The following C1orf159 variants were observed in gnomAD, a reference collection of about 807,000 sequenced individuals.
The protein encoded by C1orf159 is chromosome 1 open reading frame 159, also known as uncharacterized protein C1orf159.
Under a neutral mutation model 25.6 loss-of-function variants are expected in C1orf159, and 19 were observed. The observed-to-expected ratio is 0.74, with a 90% CI of 0.52 to 1.09. The LOEUF (loss-of-function observed/expected upper bound fraction) is 1.09, where lower values mean the gene tolerates loss of function less well. Among genes scored for constraint, C1orf159 ranks in the 50% least tolerant of loss-of-function variants. The probability of loss-of-function intolerance (pLI) is 0.00; values close to 1 mark genes in which losing one functional copy is unlikely to be tolerated. For missense variants in C1orf159, 274 were observed against 290.6 expected, an observed-to-expected ratio of 0.94 and a Z score of 0.42; for synonymous variants, 139 against 124.7, an observed-to-expected ratio of 1.12 and a Z score of -0.77.
chr1:1,113,191 A>G (rs7534657), intron 1 of C1orf159, among the ~76,000 whole-genome samples: 30,331 of 140,174 alleles, frequency 0.22, 3,772 homozygotes, highest in African/African-American at 0.37. Context: ...GACAGACTCC[A>G]TCTCAAAAAA....
rs970726702 is a variant in C1orf159, at chr1:1,084,623, G to A, written c.446-117C>T. On this transcript the variant is annotated intron_variant, in intron 7 of 9. Transcript: ENST00000421241. The stretch of plus-strand genomic sequence containing the variant: ...TGCCTCAGCCTCAGCCCAGTGCGGC[G>A]TCCTCGGAGCAGCAGAGGCCCCGGG... 47 of 1,343,134 alleles carry A rather than the reference G, an allele frequency of 3.5e-5. 1 individual carries two copies. The highest frequency in any genetic ancestry group is 2.6e-4 in the African/African-American group (18 of 68,038). 83.2% of individuals were successfully genotyped at this position (1,343,134 alleles called of 1,614,324 possible).
At position 1,091,425 on chromosome 1, in the gene C1orf159, C is replaced by CG. The variant is rs1355524270; in HGVS notation, c.72+46_72+47insC. On this transcript the variant is annotated intron_variant, in intron 3 of 9. Transcript: ENST00000421241. ...TAGGGGAAGGGCCCACCGCCCTCCA[C>CG]AGAGGCTCTGGCTTAGGCCGCGTGG... 11 of 1,510,442 alleles carry CG rather than the reference C, an allele frequency of 7.3e-6. No individual in the cohort carries two copies. In the Admixed American group the frequency reaches 2.2e-4, roughly 30 times the overall value. The allele number at this position is 1,510,442 out of a possible 1,614,324, so 93.6% of individuals were successfully genotyped here.
intron 2 of C1orf159, 130 bp downstream of exon 2, chr1:1,091,861 A>C: frequency 4.4e-6 from 2 of 450,778 alleles, no homozygotes; most frequent in East Asian, 4.8e-5. Flanking sequence ...TTAAATGGAG[A>C]TGGGGCAGGG....
At chr1:1,084,548 C>T in intron 7 of C1orf159, 42 bp from the exon 8 acceptor site, 1 of 1,548,422 alleles carries the variant, frequency 6.5e-7, no homozygotes, top group South Asian at 1.2e-5. Flanking sequence ...AGCCCAGGAG[C>T]TGCCTCAACC....
At position 1,084,340 on chromosome 1, in the gene C1orf159, C is replaced by A; in HGVS notation, c.502+13G>T. On this transcript the variant is annotated intron_variant, in intron 9 of 9. Transcript: ENST00000421241. ...TGGGAAACCCCACAGGGGGATGCGA[C>A]AGCTGCTGTTACCTGAGGACTGTGG... is the stretch of plus-strand genomic sequence containing the variant. The A allele has an allele frequency of 6.5e-7, 1 of 1,542,678 alleles. No homozygotes were observed. Among genetic ancestry groups the A allele is most frequent in the South Asian group, 1.2e-5 (1 of 80,974 alleles).
chr1:1,090,091 AC>A (rs1025584857), intron 4 of C1orf159, among the ~76,000 whole-genome samples: 3 of 151,782 alleles, frequency 2.0e-5, no homozygotes, highest in Non-Finnish European at 4.4e-5. Context: ...TTCTCCAGGC[AC>A]CTTTCTGATC....
In C1orf159 at chr1:1,090,479, C is replaced by T. The variant is rs28469423; in HGVS notation, c.73-51G>A. 50 of 1,535,118 alleles carry T rather than the reference C, an allele frequency of 3.3e-5. No individual in the cohort carries two copies. In the South Asian group the frequency reaches 4.9e-4, roughly 15 times the overall value. On this transcript the variant is annotated intron_variant, in intron 3 of 9. Transcript: ENST00000421241. ...CCAGGACGCGCCTGCCAGGCAGGCTCACGCCCAGAGCAGCAGCGGCTGAGG... is the reference window on the plus strand; with the variant it reads ...CCAGGACGCGCCTGCCAGGCAGGCTTACGCCCAGAGCAGCAGCGGCTGAGG...
chr1:1,104,281 C>T (rs1417450910), intron 1 of C1orf159, among the ~76,000 whole-genome samples: 1 of 152,222 alleles, frequency 6.6e-6, no homozygotes, highest in Admixed American at 6.5e-5. Flanking sequence ...GCCACTGCAC[C>T]CGGCCCAGAC....
In C1orf159 at chr1:1,090,398, C is replaced by T; in HGVS notation, c.103G>A (p.Val35Met). 1 of 1,550,528 alleles carries T rather than the reference C, an allele frequency of 6.4e-7. No individual in the cohort carries two copies. Among genetic ancestry groups the T allele is most frequent in the Non-Finnish European group, 8.7e-7 (1 of 1,146,948 alleles). The change falls in exon 4 of 10, where the codon GTG (valine) becomes ATG (methionine). Residue 35 changes from valine to methionine, a missense_variant. Transcript: ENST00000421241. ...CCTGGGCAGCTGGCGTTGACGCCCA[C>T]CACATCCACACAGCACTCGGGCAGC... ...AQLPECCVDV[V>M]GVNASCPGAS...
intron 1 of C1orf159, among the ~76,000 whole-genome samples, chr1:1,099,702 TTGGA>T (rs201792531): frequency 1.0e-5 from 1 of 99,094 alleles, no homozygotes; most frequent in East Asian, 2.6e-4. Context: ...GTTCTAAGAA[TTGGA>T]GAGAGAGAGA....
At position 1,089,093 on chromosome 1, in the gene C1orf159, C is replaced by A. The variant is rs1336920292; in HGVS notation, c.148+1260G>T. On this transcript the variant is annotated intron_variant, in intron 4 of 9. Coordinates refer to ENST00000421241, the MANE Select transcript of C1orf159 (RefSeq NM_017891.5). This position sits in a 1 kb window ranked among gnomAD's most constrained non-coding sequence, Gnocchi z 7.5. ...CAGAAGTGCCCGCTGCCTCCCCGAG[C>A]GGAGACGTGACCTGGCTTGGGGCCG... 1.3e-5 allele frequency among the ~76,000 whole-genome samples: 2 copies of A among 152,182 alleles called. No homozygotes were observed. Among genetic ancestry groups the A allele is most frequent in the African/African-American group, 4.8e-5 (2 of 41,442 alleles).
intron 7 of C1orf159, chr1:1,085,211 A>C (rs775999749): frequency 5.2e-6 from 2 of 383,902 alleles, no homozygotes; most frequent in South Asian, 3.6e-5. Context: ...ACCTGGGAGG[A>C]GGCCCCAGCT....
intron 1 of C1orf159, among the ~76,000 whole-genome samples, chr1:1,095,821 T>G (rs1646002339): frequency 6.6e-6 from 1 of 152,244 alleles, no homozygotes; most frequent in Admixed American, 6.5e-5. Context: ...GATGTTCATT[T>G]ATCAGACTCA....
Position 1,108,904 on chromosome 1 carries a change from T to C in C1orf159, c.-136+7156A>G. Among the ~76,000 whole-genome samples the C allele has an allele frequency of 1.9e-5, 2 of 103,368 alleles. 1 individual carries two copies. The highest frequency in any genetic ancestry group is 3.5e-5 in the Non-Finnish European group (2 of 57,164). 67.8% of individuals were successfully genotyped at this position (103,368 alleles called of 152,430 possible). On this transcript the variant is annotated intron_variant, in intron 1 of 9. Transcript: ENST00000421241. ...AGCACCGTCCACCACAGCCACCATG[T>C]CTCGGCAGCACCGTCCACCACAGCC...
In C1orf159 at chr1:1,084,503, G is replaced by C. The variant is rs201228241; in HGVS notation, c.449C>G (p.Pro150Arg). 6.4e-7 allele frequency: 1 copy of C among 1,553,936 alleles called. No individual in the cohort carries two copies. Among genetic ancestry groups the C allele is most frequent in the African/African-American group, 1.4e-5 (1 of 73,212 alleles). The change falls in exon 8 of 10, where the codon CCG becomes CGG. Residue 150 changes from proline to arginine, a missense_variant. Physicochemically the swap from Pro to Arg is moderately radical, Grantham distance 103. Coordinates refer to ENST00000421241, the MANE Select transcript of C1orf159 (RefSeq NM_017891.5). ...PRACYRRNKAPALQPGEAAAM... is the reference protein window; with the variant it reads ...PRACYRRNKARALQPGEAAAM... ...TACGGCTTCGCCAGGCTGCAGGGCCGGAGCTGTGGGGGAGAAAGCGGAGAG... is the reference window on the plus strand; with the variant it reads ...TACGGCTTCGCCAGGCTGCAGGGCCCGAGCTGTGGGGGAGAAAGCGGAGAG...
At position 1,091,585 on chromosome 1, in the gene C1orf159, G is replaced by A; in HGVS notation, c.-22-20C>T. ...CAGAGCCTGCCACAGGGAGGAGCAT[G>A]CGGAGCCAAAGAGATGGAGTGGGGC... is the stretch of plus-strand genomic sequence containing the variant. On this transcript the variant is annotated intron_variant, in intron 2 of 9. Coordinates refer to ENST00000421241, the MANE Select transcript of C1orf159 (RefSeq NM_017891.5). 6.5e-7 allele frequency: 1 copy of A among 1,529,494 alleles called. No homozygotes were observed. The highest frequency in any genetic ancestry group is 8.8e-7 in the Non-Finnish European group (1 of 1,130,860). 94.7% of individuals were successfully genotyped at this position (1,529,494 alleles called of 1,614,324 possible).
chr1:1,108,645 C>G (rs1646213225), intron 1 of C1orf159, among the ~76,000 whole-genome samples: 1 of 127,714 alleles, frequency 7.8e-6, no homozygotes, highest in Non-Finnish European at 1.7e-5. Context: ...CCGTCCACCA[C>G]AGCCACCATG....
intron 1 of C1orf159, among the ~76,000 whole-genome samples, chr1:1,107,922 A>T (rs1646197476): frequency 2.6e-5 from 4 of 152,206 alleles, no homozygotes; most frequent in African/African-American, 9.7e-5. Context: ...CTCCAAACAC[A>T]TCTGAACATC....
chr1:1,109,501 C>T (rs1038840630), intron 1 of C1orf159, among the ~76,000 whole-genome samples: 1 of 151,994 alleles, frequency 6.6e-6, no homozygotes, highest in African/African-American at 2.4e-5. Context: ...TGGGTTTGCT[C>T]TGTTGCCCAG....
Sources: gnomAD v4.1 joint callset for allele counts (sites outside exome capture counted in the v4.1 genomes callset) on GRCh38, gnomAD v4.1.1 for gene constraint, Gnocchi (gnomAD v3.1) non-coding constraint, MANE v1.5 for transcripts, NCBI Gene and HGNC (gene_info 2026-07-23, HGNC 2026-07-21) for gene names.